The following SRGAP1 variants were observed in gnomAD, a reference collection of about 807,000 sequenced individuals.
The protein encoded by SRGAP1 is SLIT-ROBO Rho GTPase-activating protein 1.
Under a neutral mutation model 121.9 loss-of-function variants are expected in SRGAP1, and 43 were observed. The ratio of observed to expected loss-of-function variants is 0.35; its 90% CI spans 0.28 to 0.46. The LOEUF (loss-of-function observed/expected upper bound fraction) is 0.46, where lower values mean the gene tolerates loss of function less well. Among genes scored for constraint, SRGAP1 ranks in the 20% least tolerant of loss-of-function variants. The pLI is 1.00. For missense variants in SRGAP1, 1,102 were observed against 1,350.9 expected (o/e 0.82, Z 2.89); for synonymous variants, 447 against 485.4 (o/e 0.92, Z 1.04).
intron 2 of SRGAP1, among the ~76,000 whole-genome samples, chr12:63,987,831 T>TA (rs1358870325): frequency 6.6e-6 from 1 of 152,242 alleles, no homozygotes; most frequent in Non-Finnish European, 1.5e-5. Context: ...CAGCCCGTGA[T>TA]AAAACAGCTG....
At chr12:64,063,857 A>T (rs1319149820) in intron 7 of SRGAP1, among the ~76,000 whole-genome samples, 3 of 152,054 alleles carry the variant, frequency 2.0e-5, no homozygotes, top group Non-Finnish European at 4.4e-5. Context: ...TAATTATAAG[A>T]TCATGAAAAG....
chr12:63,965,267 T>C (rs1469630588), intron 1 of SRGAP1, among the ~76,000 whole-genome samples: 3 of 152,126 alleles, frequency 2.0e-5, no homozygotes, highest in Admixed American at 6.5e-5. Flanking sequence ...GAACACATCA[T>C]TGGGTTTTGG....
chr12:63,980,296 T>C (rs2033212591), intron 1 of SRGAP1, among the ~76,000 whole-genome samples: 1 of 152,218 alleles, frequency 6.6e-6, no homozygotes, highest in Admixed American at 6.5e-5. Context: ...TCAAGCGATC[T>C]ACCTGCCTTG....
chr12:64,161,003 T>G lies in SRGAP1; in HGVS notation c.*18331T>G, dbSNP rs1055184794. The G allele has an allele frequency of 6.6e-6, 1 of 152,220 alleles. No homozygotes were observed. The highest frequency in any genetic ancestry group is 1.5e-5 in the Non-Finnish European group (1 of 68,040). The allele number at this position is 152,220 out of a possible 1,614,324, so 9.4% of individuals were successfully genotyped here. A position where few individuals can be genotyped will look rare whatever the true frequency, so the allele number is the denominator to read the frequency against. On this transcript the variant is annotated 3_prime_UTR_variant, in exon 22 of 22. Coordinates refer to ENST00000355086, the MANE Select transcript of SRGAP1 (RefSeq NM_020762.4). ...TTACTATTGCATGTTTTTCTCAGGG[T>G]TTCTGAAATTTCAGAATATCCTGAT...
chr12:63,997,355 C>T (rs2033742622), intron 3 of SRGAP1, among the ~76,000 whole-genome samples: 1 of 151,848 alleles, frequency 6.6e-6, no homozygotes, highest in Non-Finnish European at 1.5e-5. Context: ...TAAGTACACT[C>T]TATGATGTTC....
At chr12:63,906,997 A>G (rs1404023608) in intron 1 of SRGAP1, among the ~76,000 whole-genome samples, 1 of 152,134 alleles carries the variant, frequency 6.6e-6, no homozygotes, top group East Asian at 1.9e-4. Context: ...AAATGGAAAC[A>G]CAAATTGTGC....
At chr12:64,055,914 A>C (rs1238347677) in intron 6 of SRGAP1, among the ~76,000 whole-genome samples, 9 of 152,118 alleles carry the variant, frequency 5.9e-5, no homozygotes, top group Admixed American at 1.3e-4. Flanking sequence ...ACCAGCGTTG[A>C]TCATCTTCCT....
At chr12:64,038,716 G>T (rs890778260) in intron 4 of SRGAP1, 3 of 152,160 alleles carry the variant, frequency 2.0e-5, no homozygotes, top group African/African-American at 7.2e-5. Context: ...CATGACGTGG[G>T]TCGTTTTCTA....
intron 1 of SRGAP1, among the ~76,000 whole-genome samples, chr12:63,920,341 C>T (rs1261611432): frequency 6.6e-6 from 1 of 152,088 alleles, no homozygotes; most frequent in African/African-American, 2.4e-5. Flanking sequence ...TGTTCCAAGG[C>T]AACAAAACAC....
intron 1 of SRGAP1, among the ~76,000 whole-genome samples, chr12:63,913,895 A>G (rs1017462361): frequency 6.6e-6 from 1 of 152,004 alleles, no homozygotes; most frequent in Non-Finnish European, 1.5e-5. Context: ...ACAAATTTTT[A>G]TGAAAGTATC....
chr12:64,065,085 C>G, intron 7 of SRGAP1, 33 bp from the exon 8 acceptor site: 4 of 1,550,180 alleles, frequency 2.6e-6, no homozygotes, highest in Non-Finnish European at 3.5e-6. Flanking sequence ...GTTGATGGTG[C>G]CCTGTTGTAA....
rs2037212978 is a variant in SRGAP1 at position 64,162,114 on chromosome 12, G to T, written c.*19442G>T. The T allele has an allele frequency of 6.6e-6, 1 of 152,116 alleles. No individual in the cohort carries two copies. The highest frequency in any genetic ancestry group is 6.5e-5 in the Admixed American group (1 of 15,270). The allele number at this position is 152,116 out of a possible 1,614,324, so 9.4% of individuals were successfully genotyped here. A position where few individuals can be genotyped will look rare whatever the true frequency, so the allele number is the denominator to read the frequency against. On this transcript the variant is annotated 3_prime_UTR_variant, in exon 22 of 22. Transcript: ENST00000355086. ...TAATGGGAGTATGGGATGTTCTTTT[G>T]GGGCTGATAAAATGTTCCAAAATTC...
At chr12:63,993,066 A>G (rs1287381733) in intron 3 of SRGAP1, among the ~76,000 whole-genome samples, 1 of 152,208 alleles carries the variant, frequency 6.6e-6, no homozygotes, top group East Asian at 1.9e-4. Context: ...CAAAGGACAC[A>G]GGGAGAAATC....
chr12:63,892,195 T>C (rs964876075), intron 1 of SRGAP1, among the ~76,000 whole-genome samples: 6 of 152,194 alleles, frequency 3.9e-5, no homozygotes, highest in Non-Finnish European at 7.4e-5. Context: ...CCTCCTTCCC[T>C]ACCTCTAGTC....
At chr12:63,911,298 C>CAAAAAA (rs10715790) in intron 1 of SRGAP1, among the ~76,000 whole-genome samples, 4 of 90,168 alleles carry the variant, frequency 4.4e-5, no homozygotes, top group African/African-American at 8.8e-5. Context: ...GACTCTGTCT[C>CAAAAAA]AAAAAAAAAA....
chr12:64,004,962 T>C (rs1282172558), intron 3 of SRGAP1, among the ~76,000 whole-genome samples: 1 of 152,184 alleles, frequency 6.6e-6, no homozygotes, highest in Admixed American at 6.5e-5. Flanking sequence ...ATTGTACATA[T>C]AGCAAATATT....
intron 4 of SRGAP1, among the ~76,000 whole-genome samples, chr12:64,022,920 A>G (rs1374580636): frequency 6.6e-6 from 1 of 152,156 alleles, no homozygotes; most frequent in African/African-American, 2.4e-5. Flanking sequence ...ATAAATGTAT[A>G]ATATGGGAGG....
chr12:64,109,101 A>G, intron 16 of SRGAP1, 64 bp downstream of exon 16: 1 of 1,096,574 alleles, frequency 9.1e-7, no homozygotes. Flanking sequence ...TCGATCCTGT[A>G]AAATGTACGT....
rs2034758135 is a variant in SRGAP1, at chr12:64,030,701, GT to G, written c.490-12085del. 2.6e-5 allele frequency among the ~76,000 whole-genome samples: 4 copies of G among 152,170 alleles called. No homozygotes were observed. The South Asian group carries it at 8.3e-4, about 32-fold the overall frequency. ...CCCACACAGACCAAATAGCTCCTGG[GT>G]TTTCCTCCTTAATGAGCACTTGCTG... is the stretch of plus-strand genomic sequence containing the variant. On this transcript the variant is annotated intron_variant, in intron 4 of 21. Coordinates refer to ENST00000355086, the MANE Select transcript of SRGAP1 (RefSeq NM_020762.4).
Sources: gnomAD v4.1 joint callset for allele counts (sites outside exome capture counted in the v4.1 genomes callset) on GRCh38, gnomAD v4.1.1 for gene constraint, MANE v1.5 for transcripts, NCBI Gene and HGNC (gene_info 2026-07-23, HGNC 2026-07-21) for gene names.